The following KCNJ6 variants were observed in gnomAD, a reference collection of about 807,000 sequenced individuals.
KCNJ6 encodes the protein potassium inwardly rectifying channel subfamily J member 6, also known as G protein-activated inward rectifier potassium channel 2.
A neutral mutation model predicts 34.2 loss-of-function variants in KCNJ6; 9 were observed. The ratio of observed to expected loss-of-function variants is 0.26; its 90% CI spans 0.16 to 0.46. The LOEUF is 0.46. Among genes scored for constraint, KCNJ6 ranks in the 20% least tolerant of loss-of-function variants. KCNJ6 has a pLI of 1.00. For missense variants in KCNJ6, 236 were observed against 531.3 expected (o/e 0.44, Z 5.46); for synonymous variants, 196 against 207.1 (o/e 0.95, Z 0.46).
chr21:37,873,622 C>T (rs1172253236), intron 1 of KCNJ6, among the ~76,000 whole-genome samples: 1 of 152,136 alleles, frequency 6.6e-6, no homozygotes, highest in Non-Finnish European at 1.5e-5. Context: ...ACTGAAAAGC[C>T]TTTTTTAGAA....
chr21:37,768,842 A>G (rs1022050476), intron 2 of KCNJ6, among the ~76,000 whole-genome samples: 11 of 152,242 alleles, frequency 7.2e-5, no homozygotes, highest in Non-Finnish European at 1.6e-4. Flanking sequence ...AGTAAATGGC[A>G]AAACGTAATT....
rs1205159186 is a variant in KCNJ6 at position 37,712,599 on chromosome 21, C to T, written c.946+1612G>A. On this transcript the variant is annotated intron_variant, in intron 3 of 3. Transcript: ENST00000609713. ...TTCTTCCTCCCTTTCTCTTCCCTCC[C>T]TCCTCCCCTCCTCCTCTCTCCCTCC... Among the ~76,000 whole-genome samples, 8 of 89,206 alleles carry T rather than the reference C, an allele frequency of 9.0e-5. 2 individuals carry two copies. Among genetic ancestry groups the T allele is most frequent in the African/African-American group, 3.5e-4 (7 of 19,868 alleles). 58.5% of individuals were successfully genotyped at this position (89,206 alleles called of 152,430 possible).
At position 37,674,699 on chromosome 21, in the gene KCNJ6, C is replaced by G. The variant is rs916414710; in HGVS notation, c.946+39512G>C. On this transcript the variant is annotated intron_variant, in intron 3 of 3. Transcript: ENST00000609713. ...GGACAGCTTCCCTGACTCCCCTATA[C>G]CTCACGTACTTCACCCCCTCCAGAG... Among the ~76,000 whole-genome samples, 3 of 151,712 alleles carry G rather than the reference C, an allele frequency of 2.0e-5. No homozygotes were observed. The East Asian group carries it at 5.8e-4, about 30-fold the overall frequency.
chr21:37,905,867 T>C (rs1331810012), intron 1 of KCNJ6, among the ~76,000 whole-genome samples: 2 of 152,220 alleles, frequency 1.3e-5, no homozygotes, highest in Non-Finnish European at 2.9e-5. Context: ...GACATAGCTA[T>C]GAAGCGCCAA....
intron 1 of KCNJ6, among the ~76,000 whole-genome samples, chr21:37,907,413 C>A (rs1195364327): frequency 6.6e-6 from 1 of 152,142 alleles, no homozygotes; most frequent in African/African-American, 2.4e-5. Context: ...GAGGTCCAGT[C>A]TGATTTGTTG....
intron 3 of KCNJ6, among the ~76,000 whole-genome samples, chr21:37,635,861 G>A (rs1267204157): frequency 6.6e-6 from 1 of 152,172 alleles, no homozygotes; most frequent in East Asian, 1.9e-4. Flanking sequence ...AATATGTGAG[G>A]TACATTATTT....
chr21:37,776,926 C>T (rs1449954140), intron 2 of KCNJ6, among the ~76,000 whole-genome samples: 7 of 152,170 alleles, frequency 4.6e-5, no homozygotes, highest in Non-Finnish European at 1.0e-4. Flanking sequence ...AGGAATGGTA[C>T]CAGCTCCTCC....
intron 2 of KCNJ6, among the ~76,000 whole-genome samples, chr21:37,806,510 T>C (rs759441864): frequency 2.0e-5 from 3 of 152,172 alleles, no homozygotes; most frequent in Non-Finnish European, 4.4e-5. Context: ...CCCCGGGTCT[T>C]TATGATTGTA....
chr21:37,893,233 A>C (rs540440303), intron 1 of KCNJ6, among the ~76,000 whole-genome samples: 10 of 150,842 alleles, frequency 6.6e-5, no homozygotes, highest in African/African-American at 2.4e-4. Flanking sequence ...TTGGAGATGG[A>C]GTCTCACGCC....
At chr21:37,853,276 CA>C (rs1205343602) in intron 1 of KCNJ6, among the ~76,000 whole-genome samples, 7 of 151,772 alleles carry the variant, frequency 4.6e-5, no homozygotes, top group African/African-American at 1.7e-4. Flanking sequence ...ATCATGAAAG[CA>C]GCCAGGGAGA....
chr21:37,855,543 T>A (rs1432343160), intron 1 of KCNJ6, among the ~76,000 whole-genome samples: 4 of 152,196 alleles, frequency 2.6e-5, no homozygotes. Context: ...TAAACAGTTT[T>A]GTGACAAAAA....
intron 1 of KCNJ6, among the ~76,000 whole-genome samples, chr21:37,876,635 A>AAT (rs1234460837): frequency 5.3e-5 from 8 of 151,902 alleles, no homozygotes; most frequent in South Asian, 2.1e-4. Context: ...GTATATATGA[A>AAT]ATATATATAT....
intron 1 of KCNJ6, among the ~76,000 whole-genome samples, chr21:37,871,389 G>A (rs540085959): frequency 1.3e-5 from 2 of 152,308 alleles, no homozygotes; most frequent in South Asian, 4.1e-4. Flanking sequence ...CCAGGTGGGT[G>A]GGAATTGAAG....
intron 3 of KCNJ6, among the ~76,000 whole-genome samples, chr21:37,685,680 CCAAAAAAAAAA>C (rs1465211900): frequency 5.7e-5 from 1 of 17,460 alleles, no homozygotes; most frequent in African/African-American, 9.0e-5. Context: ...GACTCTGTCT[CCAAAAAAAAAA>C]AAAAAAAAAA....
intron 1 of KCNJ6, among the ~76,000 whole-genome samples, chr21:37,843,389 C>T (rs1050513064): frequency 6.6e-6 from 1 of 152,152 alleles, no homozygotes; most frequent in African/African-American, 2.4e-5. Context: ...CAGACTGACT[C>T]ATCTATATCA....
At chr21:37,807,661 A>G (rs938338892) in intron 2 of KCNJ6, among the ~76,000 whole-genome samples, 1 of 152,250 alleles carries the variant, frequency 6.6e-6, no homozygotes, top group East Asian at 1.9e-4. Flanking sequence ...AGGCTGGACC[A>G]TGTAGCCTAG....
chr21:37,743,388 G>T (rs2054950624), intron 2 of KCNJ6, among the ~76,000 whole-genome samples: 1 of 152,126 alleles, frequency 6.6e-6, no homozygotes, highest in South Asian at 2.1e-4. Context: ...ATGTCAGCTT[G>T]CTGTTTGGGT....
chr21:37,715,591 C>G (rs984445192), intron 2 of KCNJ6, among the ~76,000 whole-genome samples: 2 of 152,214 alleles, frequency 1.3e-5, no homozygotes, highest in African/African-American at 4.8e-5. Flanking sequence ...CTCACCAAAT[C>G]CATATGGGGC....
chr21:37,846,591 A>C (rs1047709088), intron 1 of KCNJ6, among the ~76,000 whole-genome samples: 1 of 152,088 alleles, frequency 6.6e-6, no homozygotes, highest in African/African-American at 2.4e-5. Context: ...GTAGGCTTTT[A>C]AGGATGAGGG....
Sources: gnomAD v4.1 joint callset for allele counts (sites outside exome capture counted in the v4.1 genomes callset) on GRCh38, gnomAD v4.1.1 for gene constraint, MANE v1.5 for transcripts, NCBI Gene and HGNC (gene_info 2026-07-23, HGNC 2026-07-21) for gene names.